HS6ST2: variants seen among roughly 807,000 people sequenced by gnomAD.
HS6ST2 encodes the protein heparan sulfate 6-O-sulfotransferase 2.
In HS6ST2, 17 loss-of-function variants were observed where a neutral mutation model predicts 33.0. That is an observed-to-expected ratio of 0.52 (90% CI 0.35 to 0.77). The LOEUF (loss-of-function observed/expected upper bound fraction) is 0.77. Among genes scored for constraint, HS6ST2 ranks in the 30% least tolerant of loss-of-function variants. The pLI, the probability that HS6ST2 is intolerant of heterozygous loss-of-function variation, is 0.01. For synonymous variants in HS6ST2, 248 were observed against 237.1 expected (o/e 1.05, Z -0.42); for missense variants, 519 against 551.7 (o/e 0.94, Z 0.59).
intron 2 of HS6ST2, among the ~76,000 whole-genome samples, chrX:132,821,902 G>A (rs1414349936): frequency 2.7e-5 from 3 of 110,664 alleles, no homozygotes; most frequent in African/African-American, 6.6e-5. Flanking sequence ...GAGGTGGGAG[G>A]ATCACTTGAG....
At chrX:132,819,851 T>C (rs988820668) in intron 2 of HS6ST2, among the ~76,000 whole-genome samples, 2 of 112,497 alleles carry the variant, frequency 1.8e-5, no homozygotes, top group Non-Finnish European at 3.8e-5. Flanking sequence ...ACGCCAAGAC[T>C]GCAACAAAAC....
chrX:132,823,720 A>C (rs971131371), intron 2 of HS6ST2, among the ~76,000 whole-genome samples: 46 of 92,420 alleles, frequency 5.0e-4, no homozygotes, highest in African/African-American at 1.7e-3. Context: ...AAAAAAAAAA[A>C]CCCACCTGTA....
chrX:132,874,671 A>C (rs2066093718), intron 2 of HS6ST2, among the ~76,000 whole-genome samples: 1 of 112,236 alleles, frequency 8.9e-6, no homozygotes, highest in South Asian at 3.7e-4. Flanking sequence ...ACAACAGCCC[A>C]GGATGCCAGA....
rs192014750 is a variant in HS6ST2 at position 132,628,500 on chromosome X, C to T, written c.1661G>A (p.Arg554His). The T allele has an allele frequency of 3.1e-5, 38 of 1,209,061 alleles. No homozygotes were observed. In the East Asian group the frequency reaches 5.0e-4, roughly 16 times the overall value. The change falls in exon 5 of 5, where the codon CGT (arginine) becomes CAT (histidine). Residue 554 changes from arginine to histidine, a missense_variant. Transcript: ENST00000370833. ...CTTCAGAAATTTGCGTTGTTCCTGA[C>T]GCTTTCGCCTGGCCTCCTGATGCTC... ...QKEHQEARRK[R>H]QEQRKFLKGR...
At chrX:132,940,834 A>G (rs1255708130) in intron 2 of HS6ST2, among the ~76,000 whole-genome samples, 1 of 111,817 alleles carries the variant, frequency 8.9e-6, no homozygotes. Context: ...TTAACCAGAA[A>G]GTACTGCATC....
intron 2 of HS6ST2, among the ~76,000 whole-genome samples, chrX:132,835,436 A>T (rs781244728): frequency 3.6e-5 from 4 of 111,703 alleles, no homozygotes; most frequent in Non-Finnish European, 7.5e-5. Flanking sequence ...AACCCAGTAA[A>T]GGCAGTAATG....
intron 2 of HS6ST2, among the ~76,000 whole-genome samples, chrX:132,931,330 C>A (rs1206489246): frequency 1.8e-5 from 2 of 111,599 alleles, no homozygotes; most frequent in Non-Finnish European, 3.8e-5. Context: ...CTCTTTGTTG[C>A]AAAGGCTAAA....
At chrX:132,897,576 G>A (rs1270387648) in intron 2 of HS6ST2, among the ~76,000 whole-genome samples, 1 of 111,399 alleles carries the variant, frequency 9.0e-6, no homozygotes, top group East Asian at 2.8e-4. Context: ...CACAGTGCAA[G>A]GAACATAATA....
At chrX:132,688,588 C>T (rs1602581118) in intron 3 of HS6ST2, among the ~76,000 whole-genome samples, 1 of 111,091 alleles carries the variant, frequency 9.0e-6, no homozygotes, top group African/African-American at 3.3e-5. Flanking sequence ...CCTTATGAAA[C>T]CATCAGACCT....
intron 2 of HS6ST2, among the ~76,000 whole-genome samples, chrX:132,727,529 A>G (rs2064407658): frequency 9.0e-6 from 1 of 111,496 alleles, no homozygotes; most frequent in South Asian, 3.9e-4. Context: ...TTCACGGCCC[A>G]GGCTTGGGTT....
At chrX:132,825,283 G>T (rs1433332567) in intron 2 of HS6ST2, among the ~76,000 whole-genome samples, 1 of 111,851 alleles carries the variant, frequency 8.9e-6, no homozygotes, top group African/African-American at 3.2e-5. Flanking sequence ...GTGGAACACT[G>T]GGTTGTAAAG....
At chrX:132,823,936 T>C (rs1484732822) in intron 2 of HS6ST2, among the ~76,000 whole-genome samples, 2 of 109,384 alleles carry the variant, frequency 1.8e-5, no homozygotes, top group African/African-American at 6.6e-5. Context: ...TATTTCATTA[T>C]TTCATTTTTA....
intron 2 of HS6ST2, among the ~76,000 whole-genome samples, chrX:132,823,849 T>TA (rs1348912124): frequency 1.8e-5 from 1 of 55,512 alleles, no homozygotes; most frequent in African/African-American, 7.6e-5. Context: ...TGAGACTTCA[T>TA]AAAAAATAAT....
chrX:132,780,394 A>G lies in HS6ST2; in HGVS notation c.948-71900T>C, dbSNP rs1030296855. 2.7e-5 allele frequency among the ~76,000 whole-genome samples: 3 copies of G among 111,118 alleles called. No individual in the cohort carries two copies. The Admixed American group carries it at 2.9e-4, about 11-fold the overall frequency. ...AGCGCATAATAGCTACCATTTATAG[A>G]GCACTTACCAAGTGTCAGGCACTAT... On this transcript the variant is annotated intron_variant, in intron 2 of 4. Coordinates refer to ENST00000370833, the MANE Select transcript of HS6ST2 (RefSeq NM_001394073.1).
At chrX:132,927,532 C>A (rs931508874) in intron 2 of HS6ST2, among the ~76,000 whole-genome samples, 5 of 111,736 alleles carry the variant, frequency 4.5e-5, no homozygotes, top group Admixed American at 3.8e-4. Flanking sequence ...TAAGTACAAG[C>A]AACACTTCCT....
intron 2 of HS6ST2, among the ~76,000 whole-genome samples, chrX:132,756,253 C>T (rs905937704): frequency 8.9e-6 from 1 of 111,928 alleles, no homozygotes; most frequent in African/African-American, 3.3e-5. Context: ...ACTTGTGGTT[C>T]TAATTGGAAT....
At chrX:132,876,666 G>A (rs186214486) in intron 2 of HS6ST2, among the ~76,000 whole-genome samples, 2 of 110,499 alleles carry the variant, frequency 1.8e-5, no homozygotes, top group Non-Finnish European at 3.8e-5. Context: ...GTGGGAGGGG[G>A]GTGAGAGACA....
At chrX:132,835,605 G>A (rs5977766) in intron 2 of HS6ST2, among the ~76,000 whole-genome samples, 35,427 of 111,220 alleles carry the variant, frequency 0.32, 4,362 homozygotes, top group African/African-American at 0.39. Flanking sequence ...GGTCCCTGTG[G>A]TTTAGAGAAC....
At chrX:132,805,462 C>G (rs1431683981) in intron 2 of HS6ST2, among the ~76,000 whole-genome samples, 1 of 104,042 alleles carries the variant, frequency 9.6e-6, no homozygotes, top group Non-Finnish European at 2.1e-5. Flanking sequence ...GCAAACCAGT[C>G]TCTGACCCCT....
Sources: allele counts gnomAD v4.1 joint callset (sites outside exome capture counted in the v4.1 genomes callset), GRCh38; gene constraint gnomAD v4.1.1; transcripts MANE v1.5; gene names NCBI Gene and HGNC (gene_info 2026-07-23, HGNC 2026-07-21).